The following ANKRD27 variants were observed in gnomAD, a reference collection of about 807,000 sequenced individuals.
The protein encoded by ANKRD27 is ankyrin repeat domain 27.
Under a neutral mutation model 129.7 loss-of-function variants are expected in ANKRD27, and 112 were observed. That is an observed-to-expected ratio of 0.86 (90% CI 0.74 to 1.01). ANKRD27 has a LOEUF of 1.01. ANKRD27 is among the 50% of genes least tolerant of loss of function. The pLI, the probability that ANKRD27 is intolerant of heterozygous loss-of-function variation, is 0.00. For synonymous variants in ANKRD27, 516 were observed against 511.2 expected (o/e 1.01, Z -0.13); for missense variants, 1,258 against 1,300.5 (o/e 0.97, Z 0.50).
intron 17 of ANKRD27, among the ~76,000 whole-genome samples, chr19:32,622,878 A>G (rs1006317932): frequency 7.2e-5 from 11 of 151,978 alleles, no homozygotes; most frequent in Non-Finnish European, 1.0e-4. Flanking sequence ...CCTGGGCTTA[A>G]GCGATCCTCC....
In ANKRD27 at chr19:32,607,863, G is replaced by T; in HGVS notation, c.2176-31C>A. On this transcript the variant is annotated intron_variant, in intron 22 of 28. Transcript: ENST00000306065. Reference sequence around the variant, plus strand: ...AAGCGCAGAAGATGGAAACACAAACGTCATCAGTATTGAAGAAACTGGGCT... The same window carrying T: ...AAGCGCAGAAGATGGAAACACAAACTTCATCAGTATTGAAGAAACTGGGCT... The T allele has an allele frequency of 2.5e-6, 4 of 1,574,132 alleles. No homozygotes were observed. In the South Asian group the frequency reaches 4.6e-5, roughly 18 times the overall value.
At chr19:32,610,311 AAAAT>A (rs1306443973) in intron 22 of ANKRD27, among the ~76,000 whole-genome samples, 1 of 151,852 alleles carries the variant, frequency 6.6e-6, no homozygotes, top group South Asian at 2.1e-4. Context: ...CCTGTCTCAA[AAAAT>A]AAATAAATAA....
At chr19:32,653,442 T>C (rs904587667) in intron 2 of ANKRD27, among the ~76,000 whole-genome samples, 4 of 152,158 alleles carry the variant, frequency 2.6e-5, no homozygotes, top group African/African-American at 9.7e-5. Context: ...TGGAGGACTT[T>C]CAACTCTGCA....
intron 12 of ANKRD27, 27 bp downstream of exon 12, chr19:32,639,329 A>C (rs1967149325): frequency 8.7e-6 from 14 of 1,613,826 alleles, no homozygotes; most frequent in Non-Finnish European, 1.2e-5. Context: ...CCCACAAAGG[A>C]AGGCCAGGGC....
chr19:32,607,940 CATG>C (rs1971772978), intron 22 of ANKRD27, 108 bp from the exon 23 acceptor site: 3 of 1,126,608 alleles, frequency 2.7e-6, no homozygotes, highest in Non-Finnish European at 3.8e-6. Flanking sequence ...AATGCGGGAT[CATG>C]GCGGGATCCA....
chr19:32,607,901 AC>A, intron 22 of ANKRD27, 69 bp from the exon 23 acceptor site: 7 of 1,474,116 alleles, frequency 4.7e-6, no homozygotes, highest in African/African-American at 1.4e-5. Flanking sequence ...AGTGATTGGC[AC>A]CATGTGCCCC....
intron 10 of ANKRD27, among the ~76,000 whole-genome samples, chr19:32,641,012 C>A (rs1169958045): frequency 6.6e-6 from 1 of 152,094 alleles, no homozygotes; most frequent in African/African-American, 2.4e-5. Context: ...CACTCTCCTG[C>A]CTCAGCCTCC....
Position 32,639,381 on chromosome 19 carries a change from T to A in ANKRD27, c.1091A>T (p.Gln364Leu), listed in dbSNP as rs755736800. The A allele has an allele frequency of 1.2e-6, 2 of 1,614,234 alleles. No homozygotes were observed. Among genetic ancestry groups the A allele is most frequent in the Admixed American group, 1.7e-5 (1 of 60,012 alleles). ...AGGGGGTTTAGCAGAGAGGCTTCCT[T>A]GCCGAATATATTCAATGGCAGCTTC... ...SFEAAIEYIR[Q>L]GSLSAKPPES... Residue 364 changes from glutamine (Q) to leucine (L), a missense_variant, in exon 12 of 29, where the codon CAA becomes CTA. Coordinates refer to ENST00000306065, the MANE Select transcript of ANKRD27 (RefSeq NM_032139.3).
chr19:32,641,298 C>T (rs1967196432), intron 10 of ANKRD27, among the ~76,000 whole-genome samples: 1 of 151,984 alleles, frequency 6.6e-6, no homozygotes, highest in African/African-American at 2.4e-5. Context: ...GAGGTGGCTT[C>T]AGTGATAAAA....
intron 13 of ANKRD27, among the ~76,000 whole-genome samples, chr19:32,630,620 C>T (rs1399766053): frequency 3.3e-5 from 5 of 152,196 alleles, no homozygotes; most frequent in African/African-American, 7.2e-5. Flanking sequence ...AGCACAGCTA[C>T]AGCACAGCAC....
At chr19:32,629,122 T>C (rs2145285511) in intron 13 of ANKRD27, among the ~76,000 whole-genome samples, 1 of 152,288 alleles carries the variant, frequency 6.6e-6, no homozygotes, top group East Asian at 1.9e-4. Context: ...GGTTTTGCCA[T>C]GTTGGCCAGG....
At chr19:32,672,511 G>A (rs534505481) in intron 1 of ANKRD27, among the ~76,000 whole-genome samples, 8 of 152,298 alleles carry the variant, frequency 5.3e-5, no homozygotes, top group Admixed American at 5.2e-4. Flanking sequence ...TCTCTCACAA[G>A]AGCTGGAACT....
chr19:32,662,647 T>C (rs906681576), intron 1 of ANKRD27, among the ~76,000 whole-genome samples: 2 of 151,982 alleles, frequency 1.3e-5, no homozygotes, highest in African/African-American at 4.8e-5. Context: ...GAGGCTGACA[T>C]GGGAGGATCG....
At chr19:32,653,318 C>T (rs1299797355) in intron 2 of ANKRD27, among the ~76,000 whole-genome samples, 2 of 152,154 alleles carry the variant, frequency 1.3e-5, no homozygotes, top group Non-Finnish European at 2.9e-5. Context: ...CCCCCGGAGC[C>T]TACTTACCCC....
intron 19 of ANKRD27, 43 bp from the exon 20 acceptor site, chr19:32,619,422 G>A: frequency 6.2e-7 from 1 of 1,613,864 alleles, no homozygotes; most frequent in Admixed American, 1.7e-5. Flanking sequence ...CAGGACACAA[G>A]GACACGTGAG....
chr19:32,637,373 C>T (rs930739403), intron 12 of ANKRD27: 3 of 152,194 alleles, frequency 2.0e-5, no homozygotes, highest in Admixed American at 2.0e-4. Context: ...AGCAGGACAA[C>T]CATGGTTCAA....
At chr19:32,628,352 T>A (rs1484369497) in intron 14 of ANKRD27, among the ~76,000 whole-genome samples, 187 bp from the exon 15 acceptor site, 7 of 151,752 alleles carry the variant, frequency 4.6e-5, no homozygotes, top group Non-Finnish European at 1.0e-4. Flanking sequence ...GGCCCTGGAG[T>A]CTCTCCCCCA....
chr19:32,632,063 C>T (rs903862237), intron 12 of ANKRD27, among the ~76,000 whole-genome samples: 2 of 151,932 alleles, frequency 1.3e-5, no homozygotes, highest in Admixed American at 6.6e-5. Context: ...CTGAGGTGAA[C>T]GGATCACCTG....
At chr19:32,667,499 A>C (rs1312646064) in intron 1 of ANKRD27, among the ~76,000 whole-genome samples, 1 of 152,238 alleles carries the variant, frequency 6.6e-6, no homozygotes, top group African/African-American at 2.4e-5. Context: ...AAGAAATCTT[A>C]TTACTACTTT....
Sources: allele counts gnomAD v4.1 joint callset (sites outside exome capture counted in the v4.1 genomes callset), GRCh38; gene constraint gnomAD v4.1.1; transcripts MANE v1.5; gene names NCBI Gene and HGNC (gene_info 2026-07-23, HGNC 2026-07-21).